The following MGAM2 variants were observed in gnomAD, a reference collection of about 807,000 sequenced individuals.
The protein encoded by MGAM2 is probable maltase-glucoamylase 2.
A neutral mutation model predicts 96.1 loss-of-function variants in MGAM2; 98 were observed. The observed-to-expected ratio is 1.02, with a 90% CI of 0.87 to 1.21. The LOEUF (loss-of-function observed/expected upper bound fraction) is 1.21. Among genes scored for constraint, MGAM2 ranks in the 50% most tolerant of loss-of-function variants. MGAM2 has a pLI of 0.00. For synonymous variants in MGAM2, 749 were observed against 414.8 expected (o/e 1.81, Z -9.79); for missense variants, 2,055 against 1,182.4 (o/e 1.74, Z -10.82).
intron 46 of MGAM2, among the ~76,000 whole-genome samples, chr7:142,213,339 G>A (rs576528161): frequency 6.6e-6 from 1 of 152,000 alleles, no homozygotes; most frequent in Non-Finnish European, 1.5e-5. Context: ...AACTGAAGGA[G>A]AGAGAGACAC....
chr7:142,175,556 G>T, intron 31 of MGAM2, 96 bp from the exon 32 acceptor site: 1 of 637,842 alleles, frequency 1.6e-6, no homozygotes, highest in South Asian at 1.8e-5. Context: ...GAATGGGGCA[G>T]GCAGGCAGCA....
At chr7:142,149,724 G>A (rs1257775976) in intron 15 of MGAM2, among the ~76,000 whole-genome samples, 1 of 151,712 alleles carries the variant, frequency 6.6e-6, no homozygotes, top group East Asian at 2.0e-4. Context: ...GTATTTTTTA[G>A]TAGAGACGGG....
intron 3 of MGAM2, among the ~76,000 whole-genome samples, chr7:142,122,434 CAT>C: frequency 6.6e-6 from 1 of 152,336 alleles, no homozygotes; most frequent in South Asian, 2.1e-4. Flanking sequence ...AATGACTACA[CAT>C]GTGTAAGCCA....
chr7:142,203,612 A>G (rs188370202), intron 45 of MGAM2, among the ~76,000 whole-genome samples: 38 of 152,336 alleles, frequency 2.5e-4, no homozygotes, highest in African/African-American at 9.1e-4. Flanking sequence ...CTATAAGGCT[A>G]TAGTAACCAA....
At chr7:142,126,927 A>G (rs1340894344) in intron 3 of MGAM2, among the ~76,000 whole-genome samples, 1 of 152,188 alleles carries the variant, frequency 6.6e-6, no homozygotes, top group African/African-American at 2.4e-5. Context: ...GCATATTCAC[A>G]TGCTTATATG....
At chr7:142,197,026 C>A (rs1289657013) in intron 40 of MGAM2, among the ~76,000 whole-genome samples, 1 of 152,132 alleles carries the variant, frequency 6.6e-6, no homozygotes, top group Non-Finnish European at 1.5e-5. Flanking sequence ...AATTACTACC[C>A]ATGAGGAAAG....
chr7:142,201,133 G>A (rs1207240361), intron 45 of MGAM2, among the ~76,000 whole-genome samples: 1 of 119,408 alleles, frequency 8.4e-6, no homozygotes, highest in Non-Finnish European at 1.6e-5. Flanking sequence ...GCAGTGGCAC[G>A]ATCTCAGCTC....
intron 23 of MGAM2, among the ~76,000 whole-genome samples, chr7:142,162,501 G>T (rs1795920138): frequency 6.6e-6 from 1 of 151,976 alleles, no homozygotes; most frequent in South Asian, 2.1e-4. Context: ...AAGCAGCAAG[G>T]CCAGCAGAAA....
At chr7:142,118,683 C>T (rs1794457373) in intron 2 of MGAM2, among the ~76,000 whole-genome samples, 1 of 152,128 alleles carries the variant, frequency 6.6e-6, no homozygotes, top group Non-Finnish European at 1.5e-5. Context: ...GATATGTAGC[C>T]TGAGCCCTCT....
chr7:142,134,262 G>A (rs1018358713), intron 7 of MGAM2, 110 bp downstream of exon 7: 3 of 465,834 alleles, frequency 6.4e-6, no homozygotes, highest in African/African-American at 4.0e-5. Flanking sequence ...CTTTAGATGT[G>A]TTAGTGTTGA....
rs1407921725 is a variant in MGAM2 at position 142,175,542 on chromosome 7, C to A, written c.3688-110C>A. 4.8e-6 allele frequency: 3 copies of A among 621,246 alleles called. No individual in the cohort carries two copies. The East Asian group carries it at 8.3e-5, about 17-fold the overall frequency. 38.5% of individuals were successfully genotyped at this position (621,246 alleles called of 1,614,324 possible). On this transcript the variant is annotated intron_variant, in intron 31 of 47. Transcript: ENST00000477922. ...TAATGAGATGAGGAATGAAGAGGGG[C>A]CTGGAATGGGGCAGGCAGGCAGCAG...
intron 17 of MGAM2, among the ~76,000 whole-genome samples, chr7:142,155,066 A>G (rs1386804463): frequency 1.3e-5 from 2 of 152,226 alleles, no homozygotes; most frequent in Non-Finnish European, 2.9e-5. Context: ...GAAACTCACC[A>G]ACAAAGTGAG....
At chr7:142,218,016 G>A (rs112344811) in intron 46 of MGAM2, among the ~76,000 whole-genome samples, 1,685 of 152,110 alleles carry the variant, frequency 0.011, 28 homozygotes, top group African/African-American at 0.038. Flanking sequence ...CCCAGGAGGC[G>A]GAGGTTGCAG....
intron 46 of MGAM2, among the ~76,000 whole-genome samples, chr7:142,211,682 T>C (rs776782171): frequency 5.3e-5 from 8 of 152,132 alleles, no homozygotes; most frequent in Non-Finnish European, 8.8e-5. Context: ...CCAAGAAATA[T>C]GGGACTATGT....
chr7:142,122,779 C>T (rs535527523), intron 3 of MGAM2, among the ~76,000 whole-genome samples: 8 of 152,306 alleles, frequency 5.3e-5, no homozygotes, highest in Admixed American at 4.6e-4. Context: ...ATGTTGTCCA[C>T]TTCATCCATA....
chr7:142,165,087 C>T (rs1795992655), intron 24 of MGAM2, 64 bp downstream of exon 24: 1 of 609,058 alleles, frequency 1.6e-6, no homozygotes, highest in Non-Finnish European at 2.9e-6. Flanking sequence ...GCCAGCCCTA[C>T]TTTGCTCTTT....
At chr7:142,132,255 G>A (rs910427082) in intron 6 of MGAM2, among the ~76,000 whole-genome samples, 170 bp downstream of exon 6, 6 of 150,350 alleles carry the variant, frequency 4.0e-5, no homozygotes, top group Admixed American at 2.0e-4. Context: ...TATCATGCTC[G>A]TAAAACAGAG....
intron 7 of MGAM2, among the ~76,000 whole-genome samples, chr7:142,135,445 T>C (rs1795029954): frequency 6.6e-6 from 1 of 152,180 alleles, no homozygotes; most frequent in Non-Finnish European, 1.5e-5. Context: ...CCTGTTTTTT[T>C]CTTTCTTTAA....
At chr7:142,139,718 T>C (rs1198953423) in intron 10 of MGAM2, among the ~76,000 whole-genome samples, 4 of 150,336 alleles carry the variant, frequency 2.7e-5, no homozygotes, top group African/African-American at 9.8e-5. Context: ...ACTGAACATA[T>C]GGACATGGCT....
Sources: gnomAD v4.1 joint callset for allele counts (sites outside exome capture counted in the v4.1 genomes callset) on GRCh38, gnomAD v4.1.1 for gene constraint, MANE v1.5 for transcripts, NCBI Gene and HGNC (gene_info 2026-07-23, HGNC 2026-07-21) for gene names.